The following KCNQ3 variants were observed in gnomAD, a reference collection of about 807,000 sequenced individuals.
The protein encoded by KCNQ3 is potassium voltage-gated channel subfamily Q member 3, also known as potassium voltage-gated channel subfamily KQT member 3.
KCNQ3 carries 30 observed loss-of-function variants against 92.5 expected under a neutral mutation model. The observed-to-expected ratio is 0.32, with a 90% CI of 0.24 to 0.44. The LOEUF (loss-of-function observed/expected upper bound fraction) is 0.44. KCNQ3 is among the 20% of genes least tolerant of loss of function. KCNQ3 has a pLI of 1.00. For missense variants in KCNQ3, 913 were observed against 1,140.3 expected (o/e 0.80, Z 2.87); for synonymous variants, 450 against 468.8 (o/e 0.96, Z 0.52).
chr8:132,400,547 G>T (rs962358937), intron 1 of KCNQ3, among the ~76,000 whole-genome samples: 2 of 152,172 alleles, frequency 1.3e-5, no homozygotes, highest in African/African-American at 4.8e-5. Flanking sequence ...ATGCCACCGC[G>T]GGTCCCTGCA....
chr8:132,305,320 C>G (rs1817385235), intron 1 of KCNQ3, among the ~76,000 whole-genome samples: 2 of 152,168 alleles, frequency 1.3e-5, no homozygotes, highest in Admixed American at 1.3e-4. Flanking sequence ...CTTTTATGCT[C>G]CACAGATAAG....
chr8:132,217,726 A>C (rs867720173), intron 1 of KCNQ3, among the ~76,000 whole-genome samples: 158 of 151,484 alleles, frequency 1.0e-3, no homozygotes, highest in African/African-American at 2.8e-3. Flanking sequence ...AAAAAAAAAA[A>C]AAAACAAAAC....
intron 1 of KCNQ3, among the ~76,000 whole-genome samples, chr8:132,413,990 C>T (rs1820725909): frequency 6.6e-6 from 1 of 152,296 alleles, no homozygotes; most frequent in Admixed American, 6.5e-5. Flanking sequence ...AGGAGACGCC[C>T]GCCCCAGGTT....
intron 1 of KCNQ3, among the ~76,000 whole-genome samples, chr8:132,308,156 T>C (rs1194507433): frequency 6.6e-6 from 1 of 152,038 alleles, no homozygotes; most frequent in Non-Finnish European, 1.5e-5. Flanking sequence ...CCTTCCCAGG[T>C]TTGAGGTTGA....
chr8:132,160,768 G>A (rs1035063603), intron 9 of KCNQ3, among the ~76,000 whole-genome samples: 1 of 152,000 alleles, frequency 6.6e-6, no homozygotes, highest in Non-Finnish European at 1.5e-5. Context: ...GTGGGAGGTT[G>A]GCTTTGATAA....
At chr8:132,445,812 G>A (rs1273256518) in intron 1 of KCNQ3, among the ~76,000 whole-genome samples, 2 of 152,152 alleles carry the variant, frequency 1.3e-5, no homozygotes, top group Non-Finnish European at 2.9e-5. Context: ...GACTCACCAA[G>A]GTTACAGAAC....
chr8:132,142,565 A>G (rs16904606), intron 9 of KCNQ3, among the ~76,000 whole-genome samples: 1,949 of 152,300 alleles, frequency 0.013, 38 homozygotes, highest in African/African-American at 0.043. Context: ...GGTACTTTCC[A>G]GAGAGTGCCA....
At chr8:132,170,968 G>T (rs113974188) in intron 7 of KCNQ3, among the ~76,000 whole-genome samples, 1 of 151,932 alleles carries the variant, frequency 6.6e-6, no homozygotes, top group Admixed American at 6.6e-5. Flanking sequence ...GCAGTGAGCC[G>T]TGATCGCACC....
At chr8:132,177,351 CTG>C (rs1419120119) in intron 4 of KCNQ3, among the ~76,000 whole-genome samples, 1 of 152,212 alleles carries the variant, frequency 6.6e-6, no homozygotes, top group African/African-American at 2.4e-5. Flanking sequence ...GAACCTGTGA[CTG>C]TTCCCCAACA....
chr8:132,384,117 G>A (rs1390700099), intron 1 of KCNQ3, among the ~76,000 whole-genome samples: 1 of 152,092 alleles, frequency 6.6e-6, no homozygotes, highest in African/African-American at 2.4e-5. Context: ...AGGCTTCTCT[G>A]CCCTAAGACC....
chr8:132,165,336 TC>T (rs1563782296), intron 8 of KCNQ3, among the ~76,000 whole-genome samples: 1 of 152,160 alleles, frequency 6.6e-6, no homozygotes, highest in Non-Finnish European at 1.5e-5. Flanking sequence ...AACTGTTAGA[TC>T]CCCAATACCA....
chr8:132,409,376 C>T (rs1820588041), intron 1 of KCNQ3, among the ~76,000 whole-genome samples: 1 of 152,074 alleles, frequency 6.6e-6, no homozygotes, highest in South Asian at 2.1e-4. Context: ...ACCAAAATGT[C>T]ACTCCCAAAC....
intron 1 of KCNQ3, among the ~76,000 whole-genome samples, chr8:132,335,192 C>T (rs1251739399): frequency 6.6e-6 from 1 of 152,100 alleles, no homozygotes; most frequent in African/African-American, 2.4e-5. Flanking sequence ...AGGTGCGTGC[C>T]ACCATGCCCA....
At chr8:132,338,468 T>A (rs1034750262) in intron 1 of KCNQ3, among the ~76,000 whole-genome samples, 1 of 152,132 alleles carries the variant, frequency 6.6e-6, no homozygotes, top group Admixed American at 6.5e-5. Flanking sequence ...CCTCAGAGGG[T>A]CACAGGATAA....
At chr8:132,427,616 C>T (rs536727739) in intron 1 of KCNQ3, among the ~76,000 whole-genome samples, 15 of 152,308 alleles carry the variant, frequency 9.8e-5, no homozygotes, top group Admixed American at 6.5e-4. Context: ...AAATAACAGC[C>T]TTTGTTCCAG....
chr8:132,385,454 G>A (rs573937669), intron 1 of KCNQ3, among the ~76,000 whole-genome samples: 1 of 152,352 alleles, frequency 6.6e-6, no homozygotes, highest in African/African-American at 2.4e-5. Flanking sequence ...GTGCAGCAGT[G>A]TAGAGACGTG....
At chr8:132,360,544 C>T (rs1411361738) in intron 1 of KCNQ3, among the ~76,000 whole-genome samples, 1 of 152,160 alleles carries the variant, frequency 6.6e-6, no homozygotes, top group Non-Finnish European at 1.5e-5. Flanking sequence ...CACTTTCAAC[C>T]TCCCAGAGGC....
intron 1 of KCNQ3, among the ~76,000 whole-genome samples, chr8:132,229,994 TG>T (rs1194899901): frequency 6.6e-6 from 1 of 152,148 alleles, no homozygotes; most frequent in Admixed American, 6.5e-5. Context: ...AAGGGCAGGA[TG>T]GGGTCTGATC....
At chr8:132,459,510 G>A (rs1239311525) in intron 1 of KCNQ3, among the ~76,000 whole-genome samples, 1 of 152,056 alleles carries the variant, frequency 6.6e-6, no homozygotes, top group Non-Finnish European at 1.5e-5. Flanking sequence ...GCTCTCACGG[G>A]AACTAATAAG....
Sources: gnomAD v4.1 joint callset for allele counts (sites outside exome capture counted in the v4.1 genomes callset) on GRCh38, gnomAD v4.1.1 for gene constraint, MANE v1.5 for transcripts, NCBI Gene and HGNC (gene_info 2026-07-23, HGNC 2026-07-21) for gene names.